Variants in TTC7B observed in about 807,000 individuals in gnomAD.
The protein encoded by TTC7B is tetratricopeptide repeat protein 7B.
TTC7B carries 28 observed loss-of-function variants against 106.8 expected under a neutral mutation model. That is an observed-to-expected ratio of 0.26 (90% confidence interval 0.19 to 0.36). The LOEUF (loss-of-function observed/expected upper bound fraction) is 0.36, where lower values mean the gene tolerates loss of function less well. TTC7B is among the 10% of genes least tolerant of loss of function. TTC7B has a pLI of 1.00. For synonymous variants in TTC7B, 405 were observed against 430.6 expected, an observed-to-expected ratio of 0.94 and a Z score of 0.74; for missense variants, 862 against 1,076.4, an observed-to-expected ratio of 0.80 and a Z score of 2.79.
chr14:90,756,347 G>C (rs1401385157), intron 3 of TTC7B, among the ~76,000 whole-genome samples: 1 of 151,294 alleles, frequency 6.6e-6, no homozygotes, highest in Non-Finnish European at 1.5e-5. Context: ...TAGTGGAAGA[G>C]AAAGATGTTT....
chr14:90,594,667 C>A (rs890899366), intron 17 of TTC7B, among the ~76,000 whole-genome samples: 1 of 152,044 alleles, frequency 6.6e-6, no homozygotes, highest in Admixed American at 6.5e-5. Context: ...TGGTAACTAC[C>A]AACTCATCAT....
chr14:90,552,295 C>T (rs1450287877), intron 19 of TTC7B, among the ~76,000 whole-genome samples: 1 of 152,224 alleles, frequency 6.6e-6, no homozygotes, highest in African/African-American at 2.4e-5. Flanking sequence ...CCAGGCAGGC[C>T]CACCTTCCTG....
intron 3 of TTC7B, among the ~76,000 whole-genome samples, chr14:90,771,965 T>C (rs1890880350): frequency 6.9e-6 from 1 of 145,934 alleles, no homozygotes; most frequent in Non-Finnish European, 1.5e-5. Context: ...AAATATATAA[T>C]TATATATATA....
intron 2 of TTC7B, among the ~76,000 whole-genome samples, chr14:90,784,353 T>C (rs1398097425): frequency 1.3e-5 from 2 of 152,082 alleles, no homozygotes; most frequent in African/African-American, 4.8e-5. Context: ...GTGAGGAGAT[T>C]GAGACCATCC....
rs1198620142 is a variant in TTC7B at position 90,570,630 on chromosome 14, A to G, written c.2310+7476T>C. Among the ~76,000 whole-genome samples the G allele has an allele frequency of 6.6e-6, 1 of 152,064 alleles. No homozygotes were observed. The highest frequency in any genetic ancestry group is 6.5e-5 in the Admixed American group (1 of 15,270). On this transcript the variant is annotated intron_variant, in intron 19 of 19. Transcript: ENST00000328459. The surrounding 1 kb of genome is among the most constrained non-coding windows in gnomAD (Gnocchi z 4.0). ...TCATTTCGGCTCCTCCAACCAGTGA[A>G]AGTCAGTCACGCTGGTGCAGAAAGG...
intron 5 of TTC7B, among the ~76,000 whole-genome samples, chr14:90,728,375 A>T (rs1889195035): frequency 6.8e-6 from 1 of 146,008 alleles, no homozygotes; most frequent in Non-Finnish European, 1.5e-5. Flanking sequence ...GAATGAGAGT[A>T]CCTGGCCCAA....
At chr14:90,553,728 G>A (rs371200883) in intron 19 of TTC7B, among the ~76,000 whole-genome samples, 4 of 152,162 alleles carry the variant, frequency 2.6e-5, no homozygotes, top group African/African-American at 7.2e-5. Flanking sequence ...GAGGCATGGC[G>A]GATTCAGACC....
chr14:90,652,490 A>T (rs1340375032), intron 13 of TTC7B, among the ~76,000 whole-genome samples: 4 of 149,394 alleles, frequency 2.7e-5, no homozygotes, highest in East Asian at 2.0e-4. Context: ...GTTTTTTTTA[A>T]AAAAAAAAAA....
chr14:90,568,452 C>T (rs751645992), intron 19 of TTC7B, among the ~76,000 whole-genome samples: 8 of 152,086 alleles, frequency 5.3e-5, no homozygotes, highest in Non-Finnish European at 8.8e-5. Flanking sequence ...CTGTACTGCC[C>T]GTAATTAGTC....
intron 15 of TTC7B, among the ~76,000 whole-genome samples, chr14:90,642,362 A>G (rs1885216518): frequency 1.3e-5 from 2 of 152,238 alleles, no homozygotes; most frequent in Non-Finnish European, 2.9e-5. Context: ...AGAGCTGCTG[A>G]AAAGCACTGA....
At chr14:90,689,813 C>G in intron 6 of TTC7B, 101 bp from the exon 7 acceptor site, 1 of 1,322,448 alleles carries the variant, frequency 7.6e-7, no homozygotes, top group Non-Finnish European at 1.0e-6. Flanking sequence ...TTGTGCTAAG[C>G]ACTACTGCAA....
chr14:90,692,919 G>C (rs937090584), intron 6 of TTC7B, among the ~76,000 whole-genome samples: 2 of 149,166 alleles, frequency 1.3e-5, no homozygotes, highest in South Asian at 2.1e-4. Context: ...TGATGGCAGG[G>C]TGTGTGTGTG....
intron 19 of TTC7B, among the ~76,000 whole-genome samples, chr14:90,559,577 C>T (rs963472435): frequency 6.6e-5 from 10 of 152,180 alleles, no homozygotes; most frequent in Admixed American, 2.0e-4. Context: ...AGATCTGTTA[C>T]GAGGCCCTAA....
chr14:90,672,146 G>T (rs4900057), intron 9 of TTC7B, among the ~76,000 whole-genome samples: 1 of 151,972 alleles, frequency 6.6e-6, no homozygotes, highest in Non-Finnish European at 1.5e-5. Flanking sequence ...ACGTGTAAGT[G>T]TTAATGCTGG....
chr14:90,543,333 C>T (rs1193835389), intron 19 of TTC7B, among the ~76,000 whole-genome samples: 1 of 152,166 alleles, frequency 6.6e-6, no homozygotes, highest in African/African-American at 2.4e-5. Flanking sequence ...TTTATCTTGG[C>T]AGAGTGATGG....
intron 5 of TTC7B, among the ~76,000 whole-genome samples, chr14:90,702,316 A>C (rs1210690010): frequency 6.6e-6 from 1 of 152,116 alleles, no homozygotes; most frequent in Non-Finnish European, 1.5e-5. Flanking sequence ...TACCCACCTC[A>C]CTGTTGTAAG....
intron 18 of TTC7B, among the ~76,000 whole-genome samples, chr14:90,586,205 G>C (rs541747666): frequency 1.3e-5 from 2 of 152,302 alleles, no homozygotes; most frequent in Admixed American, 1.3e-4. Flanking sequence ...TGCCGTCTGC[G>C]CTGCTTTCCT....
intron 5 of TTC7B, among the ~76,000 whole-genome samples, chr14:90,716,152 CAAG>C (rs960312353): frequency 6.6e-5 from 10 of 152,056 alleles, no homozygotes; most frequent in African/African-American, 2.4e-4. Context: ...GCTTTACAGC[CAAG>C]AAGGAGGGTG....
intron 3 of TTC7B, among the ~76,000 whole-genome samples, chr14:90,762,629 C>T (rs896132818): frequency 1.3e-5 from 2 of 152,192 alleles, no homozygotes; most frequent in Non-Finnish European, 2.9e-5. Flanking sequence ...GGAAGTATTG[C>T]TTCCCTTGAC....
Sources: gnomAD v4.1 joint callset for allele counts (sites outside exome capture counted in the v4.1 genomes callset) on GRCh38, gnomAD v4.1.1 for gene constraint, Gnocchi (gnomAD v3.1) non-coding constraint, MANE v1.5 for transcripts, NCBI Gene and HGNC (gene_info 2026-07-23, HGNC 2026-07-21) for gene names.